The following MICAL3 variants were observed in gnomAD, a reference collection of about 807,000 sequenced individuals.
The protein encoded by MICAL3 is microtubule associated monooxygenase, calponin and LIM domain containing 3, also known as [F-actin]-monooxygenase MICAL3.
Under a neutral mutation model 207.4 loss-of-function variants are expected in MICAL3, and 62 were observed. The ratio of observed to expected loss-of-function variants is 0.30; its 90% confidence interval spans 0.24 to 0.37. The LOEUF is 0.37. MICAL3 is among the 10% of genes least tolerant of loss of function. The pLI is 1.00. For missense variants in MICAL3, 2,368 were observed against 2,635.6 expected (o/e 0.90, Z 2.22); for synonymous variants, 1,077 against 1,069.3 (o/e 1.01, Z -0.14).
intron 1 of MICAL3, among the ~76,000 whole-genome samples, chr22:17,968,641 T>TATAATAATTACCACAACCACTA (rs1279114888): frequency 6.6e-6 from 1 of 152,178 alleles, no homozygotes; most frequent in Non-Finnish European, 1.5e-5. Flanking sequence ...CAAAGAGTGA[T>TATAATAATTACCACAACCACTA]ATAATAATTA....
chr22:18,014,899 A>G (rs9618184), intron 1 of MICAL3, among the ~76,000 whole-genome samples: 1 of 152,044 alleles, frequency 6.6e-6, no homozygotes, highest in Non-Finnish European at 1.5e-5. Flanking sequence ...AGGCTGAGGC[A>G]GGAGAATGGC....
intron 21 of MICAL3, among the ~76,000 whole-genome samples, chr22:17,828,351 T>C (rs113815576): frequency 4.8e-4 from 73 of 152,352 alleles, no homozygotes; most frequent in African/African-American, 1.6e-3. Context: ...AGGACAGAGA[T>C]AGACTTTGCT....
At chr22:17,932,133 C>T (rs2146320256) in intron 1 of MICAL3, among the ~76,000 whole-genome samples, 1 of 152,262 alleles carries the variant, frequency 6.6e-6, no homozygotes, top group South Asian at 2.1e-4. Flanking sequence ...GAGAACACCA[C>T]AAAGATACTC....
chr22:17,984,217 A>G (rs796591317), intron 1 of MICAL3, among the ~76,000 whole-genome samples: 4 of 152,186 alleles, frequency 2.6e-5, no homozygotes, highest in African/African-American at 9.6e-5. Context: ...CCTCCCTGCC[A>G]ACCCACTTCC....
chr22:17,938,871 C>T (rs562562847), intron 1 of MICAL3, among the ~76,000 whole-genome samples: 2 of 152,152 alleles, frequency 1.3e-5, no homozygotes, highest in Non-Finnish European at 2.9e-5. Context: ...TCATGATCTG[C>T]GTGAGTCTCA....
intron 28 of MICAL3, 146 bp from the exon 29 acceptor site, chr22:17,809,083 G>A (rs1025898789): frequency 1.8e-5 from 12 of 659,192 alleles, no homozygotes; most frequent in East Asian, 2.9e-5. Flanking sequence ...AGGGTGTGGC[G>A]TGGAGACCAC....
At chr22:17,899,668 G>A in intron 6 of MICAL3, 120 bp from the exon 7 acceptor site, 2 of 672,954 alleles carry the variant, frequency 3.0e-6, no homozygotes, top group Non-Finnish European at 5.4e-6. Context: ...GGCAGGGAAA[G>A]GTGTCTAAGC....
rs771595048 is a variant in MICAL3, at chr22:17,817,371, G to T, written c.5290C>A (p.Pro1764Thr). ...GAGTCCACCGTGGCCCCGCTGGAGG[G>T]GGTGCTGGGGCAGGACTTGTCGTCG... ...KADDKSCPST[P>T]SSGATVDSGK... The change falls in exon 26 of 32, where the codon CCC (proline) becomes ACC (threonine). Residue 1764 changes from proline (P) to threonine (T), a missense_variant. Physicochemically the swap from Pro to Thr is conservative, Grantham distance 38 (BLOSUM62 -1). Coordinates refer to ENST00000441493, the MANE Select transcript of MICAL3 (RefSeq NM_015241.3). 1.2e-5 allele frequency: 19 copies of T among 1,612,320 alleles called. No homozygotes were observed. The highest frequency in any genetic ancestry group is 1.5e-5 in the Non-Finnish European group (18 of 1,179,566).
chr22:17,890,824 G>T (rs1415129682), intron 12 of MICAL3, among the ~76,000 whole-genome samples: 1 of 152,310 alleles, frequency 6.6e-6, no homozygotes, highest in Non-Finnish European at 1.5e-5. Flanking sequence ...AACAAATGCC[G>T]ATGGGGGAAC....
chr22:17,922,417 G>A (rs1346583805), intron 1 of MICAL3, among the ~76,000 whole-genome samples: 1 of 152,172 alleles, frequency 6.6e-6, no homozygotes, highest in South Asian at 2.1e-4. Flanking sequence ...ACAATTTAGG[G>A]GGTGTAAGAA....
At chr22:17,835,115 T>A (rs528790863) in intron 20 of MICAL3, among the ~76,000 whole-genome samples, 2 of 152,152 alleles carry the variant, frequency 1.3e-5, no homozygotes, top group South Asian at 4.1e-4. Context: ...TGCCCCGAGA[T>A]GAGGCCAGCG....
intron 1 of MICAL3, among the ~76,000 whole-genome samples, chr22:17,930,325 A>G (rs1189661028): frequency 6.6e-6 from 1 of 152,250 alleles, no homozygotes; most frequent in Non-Finnish European, 1.5e-5. Context: ...ACAGAGATGA[A>G]TGTCTTATGT....
Position 17,816,772 on chromosome 22 carries a change from C to A in MICAL3, c.5363G>T (p.Arg1788Leu), listed in dbSNP as rs888455219. The A allele has an allele frequency of 6.4e-7, 1 of 1,550,468 alleles. No individual in the cohort carries two copies. The highest frequency in any genetic ancestry group is 8.7e-7 in the Non-Finnish European group (1 of 1,147,052). ...GTCCTCGGAGAAGCTCAGCTGGCGC[C>A]GGAGCTGCAGCTCTGTGGAGAGAGG... Reference protein sequence around the residue: ...LPVVRAELQLRRQLSFSEDSD... With the variant: ...LPVVRAELQLLRQLSFSEDSD... Residue 1788 changes from arginine (R) to leucine (L), a missense_variant, in exon 27 of 32, where the codon CGG (arginine) becomes CTG (leucine). By Grantham distance (102) the Arg-to-Leu change is moderately radical. Around this residue, in one of 4 missense-constraint regions of MICAL3, gnomAD observed 1,770 missense variants for 1,863.2 expected, o/e 0.95. Coordinates refer to ENST00000441493, the MANE Select transcript of MICAL3 (RefSeq NM_015241.3).
intron 27 of MICAL3, 122 bp downstream of exon 27, chr22:17,816,568 A>G (rs1398897687): frequency 7.8e-6 from 6 of 771,176 alleles, no homozygotes; most frequent in Non-Finnish European, 4.3e-6. Context: ...TCAGCTGGCT[A>G]TGCGCCACTA....
rs1569078371 is a variant in MICAL3, at chr22:17,818,447, C to CG, written c.4213dup (p.Arg1405ProfsTer120). ...GCGTAGCTCTCTGTCGGACGGGGAC[C>CG]GGGGGGTTGGCAGGGACAACGGCTC... On this transcript the variant is annotated frameshift_variant, in exon 26 of 32. Transcript: ENST00000441493. LOFTEE classifies it high-confidence loss of function. The CG allele has an allele frequency of 6.2e-7, 1 of 1,612,866 alleles. No homozygotes were observed. The highest frequency in any genetic ancestry group is 8.5e-7 in the Non-Finnish European group (1 of 1,179,882).
In MICAL3 at chr22:17,864,986, C is replaced by T. The variant is rs748759865; in HGVS notation, c.2518G>A (p.Glu840Lys). ...RPAVAPLSGKEAKGPLQDGAT... is the reference protein window; with the variant it reads ...RPAVAPLSGKKAKGPLQDGAT... The stretch of plus-strand genomic sequence containing the variant: ...CCATCCTGCAGGGGTCCTTTGGCCT[C>T]CTAGGAAAGTTCATGAGAAAAAGAA... Residue 840 changes from glutamate (E) to lysine (K), a missense_variant and splice_region_variant, in exon 19 of 32, where the codon GAG becomes AAG. This residue lies in a region of MICAL3 where 1,770 missense variants were observed against 1,863.2 expected (regional missense o/e 0.95). Transcript: ENST00000441493. 1 of 1,598,902 alleles carries T rather than the reference C, an allele frequency of 6.3e-7. No homozygotes were observed. Among genetic ancestry groups the T allele is most frequent in the South Asian group, 1.1e-5 (1 of 90,704 alleles).
chr22:17,827,536 G>A (rs1031039316), intron 22 of MICAL3, 108 bp downstream of exon 22: 6 of 1,255,962 alleles, frequency 4.8e-6, no homozygotes, highest in Admixed American at 2.8e-5. Context: ...GCTCCCGTGT[G>A]TGACCTCATG....
intron 1 of MICAL3, among the ~76,000 whole-genome samples, chr22:18,018,740 ATATCT>A: frequency 6.7e-6 from 1 of 149,982 alleles, no homozygotes; most frequent in African/African-American, 2.5e-5. Flanking sequence ...AAAATAAAAA[ATATCT>A]ATCTATCTAT....
chr22:18,018,116 C>T (rs1050370282), intron 1 of MICAL3, among the ~76,000 whole-genome samples: 12 of 152,004 alleles, frequency 7.9e-5, no homozygotes, highest in Non-Finnish European at 1.2e-4. Context: ...CCTCGTGATC[C>T]GCCTGCCTCG....
Sources: gnomAD v4.1 joint callset for allele counts (sites outside exome capture counted in the v4.1 genomes callset) on GRCh38, gnomAD v4.1.1 for gene constraint, gnomAD v4.1.1 regional missense constraint, MANE v1.5 for transcripts, NCBI Gene and HGNC (gene_info 2026-07-23, HGNC 2026-07-21) for gene names.